Variants in NKAIN2 observed in about 807,000 individuals in gnomAD.
NKAIN2 encodes sodium/potassium transporting ATPase interacting 2, also known as sodium/potassium-transporting ATPase subunit beta-1-interacting protein 2.
NKAIN2 carries 14 observed loss-of-function variants against 32.6 expected under a neutral mutation model. That is an observed-to-expected ratio of 0.43 (90% confidence interval 0.28 to 0.67). The LOEUF is 0.67. NKAIN2 is among the 30% of genes least tolerant of loss of function. The pLI, the probability that NKAIN2 is intolerant of heterozygous loss-of-function variation, is 0.17. For synonymous variants in NKAIN2, 80 were observed against 87.2 expected (o/e 0.92, Z 0.46); for missense variants, 198 against 258.3 (o/e 0.77, Z 1.60).
intron 1 of NKAIN2, among the ~76,000 whole-genome samples, chr6:124,278,649 TCATA>T (rs2114905921): frequency 2.0e-5 from 1 of 49,692 alleles, no homozygotes; most frequent in Non-Finnish European, 3.9e-5. Context: ...TATACATAGC[TCATA>T]TATATATATA....
chr6:123,939,644 A>G (rs1322408058), intron 1 of NKAIN2, among the ~76,000 whole-genome samples: 1 of 152,026 alleles, frequency 6.6e-6, no homozygotes, highest in African/African-American at 2.4e-5. Flanking sequence ...TGAAAACAAA[A>G]AAAAAGTTGT....
intron 1 of NKAIN2, among the ~76,000 whole-genome samples, chr6:123,951,726 A>G (rs1777337789): frequency 6.6e-6 from 1 of 151,758 alleles, no homozygotes; most frequent in Non-Finnish European, 1.5e-5. Flanking sequence ...TATTCAGCCA[A>G]TATGTATCTT....
chr6:124,807,809 C>T (rs1181606503), intron 5 of NKAIN2, among the ~76,000 whole-genome samples: 1 of 150,696 alleles, frequency 6.6e-6, no homozygotes, highest in Non-Finnish European at 1.5e-5. Flanking sequence ...GATATCACCA[C>T]TGATCCCACA....
chr6:124,304,069 T>A (rs1216591485), intron 2 of NKAIN2, among the ~76,000 whole-genome samples: 1 of 152,174 alleles, frequency 6.6e-6, no homozygotes, highest in Non-Finnish European at 1.5e-5. Context: ...TGCCTATTGA[T>A]AACAGGTTGA....
At chr6:124,734,779 T>C (rs967650984) in intron 4 of NKAIN2, among the ~76,000 whole-genome samples, 1 of 151,880 alleles carries the variant, frequency 6.6e-6, no homozygotes, top group African/African-American at 2.4e-5. Flanking sequence ...CTGAAGTGGA[T>C]CCAAAATGGC....
At chr6:124,177,497 C>G (rs1789219644) in intron 1 of NKAIN2, among the ~76,000 whole-genome samples, 1 of 152,090 alleles carries the variant, frequency 6.6e-6, no homozygotes, top group African/African-American at 2.4e-5. Flanking sequence ...TGGCATCAGT[C>G]TATTACCAGT....
At chr6:123,985,534 A>G (rs1278635739) in intron 1 of NKAIN2, among the ~76,000 whole-genome samples, 1 of 152,210 alleles carries the variant, frequency 6.6e-6, no homozygotes, top group Non-Finnish European at 1.5e-5. Context: ...GATAAACACA[A>G]TATATATGCA....
intron 1 of NKAIN2, among the ~76,000 whole-genome samples, chr6:124,071,983 C>T (rs1055934362): frequency 5.9e-5 from 9 of 151,918 alleles, no homozygotes; most frequent in Admixed American, 2.0e-4. Context: ...GATATATATC[C>T]GAAAGAAAAT....
intron 3 of NKAIN2, among the ~76,000 whole-genome samples, chr6:124,429,545 T>C (rs756605750): frequency 2.6e-5 from 4 of 152,184 alleles, no homozygotes; most frequent in Non-Finnish European, 4.4e-5. Flanking sequence ...CCAGATGGAA[T>C]CTTTCCAAGA....
At chr6:124,010,875 T>C (rs1370111169) in intron 1 of NKAIN2, among the ~76,000 whole-genome samples, 1 of 152,148 alleles carries the variant, frequency 6.6e-6, no homozygotes, top group Non-Finnish European at 1.5e-5. Context: ...TGGGGTTTTG[T>C]TTTCTGTTTT....
chr6:124,037,219 C>G (rs902484158), intron 1 of NKAIN2, among the ~76,000 whole-genome samples: 3 of 152,020 alleles, frequency 2.0e-5, no homozygotes, highest in Admixed American at 2.0e-4. Context: ...GGAAGAAATA[C>G]AACATGAAAT....
rs1787507151 is a variant in NKAIN2 at position 124,148,025 on chromosome 6, T to C, written c.55-134980T>C. 4.6e-5 allele frequency among the ~76,000 whole-genome samples: 7 copies of C among 152,280 alleles called. No homozygotes were observed. The South Asian group carries it at 1.4e-3, about 32-fold the overall frequency. ...ATATATTAGTTAATACATTATTTGA[T>C]ATAGGTATTCTATAATCATTCATTT... On this transcript the variant is annotated intron_variant, in intron 1 of 6. Coordinates refer to ENST00000368417, the MANE Select transcript of NKAIN2 (RefSeq NM_001040214.3).
chr6:124,099,774 C>T (rs2114946073), intron 1 of NKAIN2, among the ~76,000 whole-genome samples: 1 of 152,276 alleles, frequency 6.6e-6, no homozygotes, highest in East Asian at 1.9e-4. Context: ...TGCTGCTAAA[C>T]ATCTTACAAT....
At chr6:124,230,283 A>C (rs1186340556) in intron 1 of NKAIN2, among the ~76,000 whole-genome samples, 2 of 152,206 alleles carry the variant, frequency 1.3e-5, no homozygotes, top group Admixed American at 6.5e-5. Context: ...ATTTCTAAGC[A>C]ACAAAGCATT....
intron 1 of NKAIN2, among the ~76,000 whole-genome samples, chr6:124,229,525 TAGATAGATAGACAGAC>T (rs1166099578): frequency 5.4e-4 from 81 of 148,732 alleles, no homozygotes; most frequent in African/African-American, 1.7e-3. Flanking sequence ...GATAGATAGA[TAGATAGATAGACAGAC>T]AGACAGACAG....
intron 3 of NKAIN2, among the ~76,000 whole-genome samples, chr6:124,583,107 A>G (rs1433059505): frequency 6.6e-6 from 1 of 152,096 alleles, no homozygotes; most frequent in African/African-American, 2.4e-5. Flanking sequence ...ATAATAATGG[A>G]AGTCCTAACT....
chr6:124,792,063 T>C (rs1779770997), intron 5 of NKAIN2, among the ~76,000 whole-genome samples: 1 of 152,102 alleles, frequency 6.6e-6, no homozygotes, highest in African/African-American at 2.4e-5. Context: ...AAGGTTTCAT[T>C]CCATCCCTGC....
Position 124,261,866 on chromosome 6 carries a change from C to CA in NKAIN2, c.55-21123dup, listed in dbSNP as rs1233407177. On this transcript the variant is annotated intron_variant, in intron 1 of 6. Coordinates refer to ENST00000368417, the MANE Select transcript of NKAIN2 (RefSeq NM_001040214.3). Reference sequence around the variant, plus strand: ...TGAAAGAGCATGATTCCATCTCACACAAAAAAAAAAAAAAAATTTTGAAAT... The same window carrying CA: ...TGAAAGAGCATGATTCCATCTCACACAAAAAAAAAAAAAAAAATTTTGAAAT... Among the ~76,000 whole-genome samples the CA allele has an allele frequency of 4.6e-3, 568 of 124,470 alleles. 8 individuals are homozygous for CA. Among genetic ancestry groups the CA allele is most frequent in the East Asian group, 0.033 (143 of 4,278 alleles). The allele number at this position is 124,470 out of a possible 152,430, so 81.7% of individuals were successfully genotyped here.
chr6:124,261,832 C>T (rs1414730253), intron 1 of NKAIN2, among the ~76,000 whole-genome samples: 2 of 149,224 alleles, frequency 1.3e-5, no homozygotes, highest in Non-Finnish European at 3.0e-5. Context: ...TGCAACAATC[C>T]AGCCTGGGTG....
Sources: gnomAD v4.1 joint callset for allele counts (sites outside exome capture counted in the v4.1 genomes callset) on GRCh38, gnomAD v4.1.1 for gene constraint, MANE v1.5 for transcripts, NCBI Gene and HGNC (gene_info 2026-07-23, HGNC 2026-07-21) for gene names.